The following CDYL variants were observed in gnomAD, a reference collection of about 807,000 sequenced individuals.
The protein encoded by CDYL is chromodomain Y-like protein.
CDYL carries 8 observed loss-of-function variants against 47.3 expected under a neutral mutation model. The observed-to-expected ratio is 0.17, with a 90% CI of 0.10 to 0.31. The LOEUF is 0.31. Among genes scored for constraint, CDYL ranks in the 10% least tolerant of loss-of-function variants. CDYL has a pLI of 1.00. For missense variants in CDYL, 471 were observed against 701.4 expected (o/e 0.67, Z 3.71); for synonymous variants, 266 against 265.0 (o/e 1.00, Z -0.04).
At chr6:4,922,978 T>C (rs188622376) in intron 2 of CDYL, among the ~76,000 whole-genome samples, 42 of 152,328 alleles carry the variant, frequency 2.8e-4, no homozygotes, top group Non-Finnish European at 4.1e-4. Context: ...TCAACACTTA[T>C]GTACATATTA....
chr6:4,729,943 C>T (rs530430053), intron 2 of CDYL, among the ~76,000 whole-genome samples: 1 of 152,230 alleles, frequency 6.6e-6, no homozygotes, highest in East Asian at 1.9e-4. Flanking sequence ...GACAATAGTA[C>T]AGGTACCTTG....
intron 2 of CDYL, among the ~76,000 whole-genome samples, chr6:4,723,445 A>G (rs1475296268): frequency 6.6e-6 from 1 of 152,132 alleles, no homozygotes; most frequent in East Asian, 1.9e-4. Flanking sequence ...ACAGTGTCAC[A>G]AAGAGGCTAT....
chr6:4,944,520 C>G (rs1213758495), intron 5 of CDYL, among the ~76,000 whole-genome samples: 1 of 152,188 alleles, frequency 6.6e-6, no homozygotes, highest in African/African-American at 2.4e-5. Context: ...CAGCAGCACC[C>G]GCAGCCAGGC....
chr6:4,709,653 CTCTG>C (rs1007089423), intron 1 of CDYL, among the ~76,000 whole-genome samples: 2 of 152,162 alleles, frequency 1.3e-5, no homozygotes, highest in African/African-American at 4.8e-5. Flanking sequence ...AAGAGGGAAC[CTCTG>C]TCTCTCTATT....
At chr6:4,908,407 C>G (rs1049215891) in intron 2 of CDYL, among the ~76,000 whole-genome samples, 2 of 152,160 alleles carry the variant, frequency 1.3e-5, no homozygotes, top group Non-Finnish European at 2.9e-5. Context: ...TTGAGAAACA[C>G]TGATCTGGGC....
At position 4,715,813 on chromosome 6, in the gene CDYL, GA is replaced by G; in HGVS notation, c.40del (p.Ser14AlafsTer17). On this transcript the variant is annotated frameshift_variant, in exon 2 of 9. Coordinates refer to the CDYL transcript ENST00000328908. LOFTEE classifies it high-confidence loss of function. ...CAGGCAAGCCACAGGTCAGCCTGGG[GA>G]AAAAGCAGGAAGAAAAACTGGCAAT... The G allele has an allele frequency of 6.2e-7, 1 of 1,613,990 alleles. No homozygotes were observed. Among genetic ancestry groups the G allele is most frequent in the Non-Finnish European group, 8.5e-7 (1 of 1,179,940 alleles).
At chr6:4,741,840 T>C (rs1757802027) in intron 3 of CDYL, among the ~76,000 whole-genome samples, 2 of 152,186 alleles carry the variant, frequency 1.3e-5, no homozygotes, top group Non-Finnish European at 2.9e-5. Context: ...CTGGCAGATA[T>C]ACTCATGAAT....
intron 2 of CDYL, among the ~76,000 whole-genome samples, chr6:4,918,141 A>T (rs1415032060): frequency 6.6e-6 from 1 of 152,256 alleles, no homozygotes; most frequent in Non-Finnish European, 1.5e-5. Context: ...GTCAGGATAA[A>T]CATGAAGAAA....
intron 3 of CDYL, among the ~76,000 whole-genome samples, chr6:4,750,645 T>C (rs976024149): frequency 6.6e-6 from 1 of 152,154 alleles, no homozygotes; most frequent in South Asian, 2.1e-4. Context: ...ACGACAACAA[T>C]CAAATTAATA....
rs1271980247 is a variant in CDYL, at chr6:4,841,963, ATAT to A, written c.25-49746_25-49744del. On this transcript the variant is annotated intron_variant, in intron 1 of 6. Coordinates refer to ENST00000397588, the MANE Select transcript of CDYL (RefSeq NM_004824.4). ...TTGTTTCTTTGTTGACTTTATATTA[ATAT>A]TATATTAATATTAATAATAAATTAT... Among the ~76,000 whole-genome samples, 9 of 145,904 alleles carry A rather than the reference ATAT, an allele frequency of 6.2e-5. No individual in the cohort carries two copies. In the South Asian group the frequency reaches 6.3e-4, roughly 10 times the overall value.
chr6:4,724,320 GGATTATAGACGTGAGCCACCATGCC>G (rs1337174076), intron 2 of CDYL: 1 of 151,952 alleles, frequency 6.6e-6, no homozygotes, highest in Non-Finnish European at 1.5e-5. Flanking sequence ...CAACGTGATG[GGATTATAGACGTGAGCCACCATGCC>G]GAGCCTGTCC....
chr6:4,887,158 A>T (rs935636688), intron 1 of CDYL, among the ~76,000 whole-genome samples: 22 of 152,096 alleles, frequency 1.4e-4, no homozygotes, highest in African/African-American at 5.1e-4. Flanking sequence ...TCTTTTTGAA[A>T]ATTTTTTGGG....
At chr6:4,708,177 C>G (rs112851540) in intron 1 of CDYL, among the ~76,000 whole-genome samples, 1 of 118,298 alleles carries the variant, frequency 8.5e-6, no homozygotes, top group Non-Finnish European at 1.6e-5. Context: ...CACACACACA[C>G]ATATATATAT....
chr6:4,830,926 C>G (rs1201366204), intron 1 of CDYL, among the ~76,000 whole-genome samples: 1 of 152,098 alleles, frequency 6.6e-6, no homozygotes, highest in Non-Finnish European at 1.5e-5. Flanking sequence ...CTACAAAGGA[C>G]CTGAGCTCAT....
chr6:4,762,633 A>G (rs1397058927), intron 3 of CDYL, among the ~76,000 whole-genome samples: 2 of 137,272 alleles, frequency 1.5e-5, no homozygotes, highest in Non-Finnish European at 3.1e-5. Context: ...GATATTCCAG[A>G]TTAAAGGGTA....
intron 1 of CDYL, among the ~76,000 whole-genome samples, chr6:4,821,010 A>G (rs945283400): frequency 6.6e-5 from 10 of 152,328 alleles, no homozygotes; most frequent in African/African-American, 2.4e-4. Flanking sequence ...AGTGGGAGCC[A>G]TCTTTACATT....
chr6:4,809,962 G>T (rs1389215275), intron 1 of CDYL, among the ~76,000 whole-genome samples: 1 of 151,768 alleles, frequency 6.6e-6, no homozygotes, highest in Non-Finnish European at 1.5e-5. Flanking sequence ...TTGTATGGTA[G>T]GGGTATTATG....
At chr6:4,726,590 A>C (rs891169524) in intron 2 of CDYL, among the ~76,000 whole-genome samples, 1 of 150,982 alleles carries the variant, frequency 6.6e-6, no homozygotes, top group South Asian at 2.1e-4. Flanking sequence ...GGTCCCACCT[A>C]TTTGGGAGGC....
intron 3 of CDYL, among the ~76,000 whole-genome samples, chr6:4,742,662 G>A (rs576255965): frequency 6.6e-6 from 1 of 152,358 alleles, no homozygotes; most frequent in East Asian, 1.9e-4. Flanking sequence ...GGATAGGAAT[G>A]GCAAAGACTC....
Sources: gnomAD v4.1 joint callset for allele counts (sites outside exome capture counted in the v4.1 genomes callset) on GRCh38, gnomAD v4.1.1 for gene constraint, MANE v1.5 for transcripts, NCBI Gene and HGNC (gene_info 2026-07-23, HGNC 2026-07-21) for gene names.